TRPV4: variants seen among roughly 807,000 people sequenced by gnomAD.
TRPV4 encodes OSM9-like transient receptor potential channel 4.
TRPV4 carries 58 observed loss-of-function variants against 84.1 expected under a neutral mutation model. The observed-to-expected ratio is 0.69, with a 90% CI of 0.56 to 0.86. The LOEUF is 0.86. TRPV4 is among the 40% of genes least tolerant of loss of function. The pLI, the probability that TRPV4 is intolerant of heterozygous loss-of-function variation, is 0.00. For missense variants in TRPV4, 879 were observed against 1,181.1 expected (o/e 0.74, Z 3.75); for synonymous variants, 489 against 500.9 (o/e 0.98, Z 0.32).
rs1284564750 is a variant in TRPV4, at chr12:109,803,131, C to T, written c.572G>A (p.Gly191Glu). 1.2e-6 allele frequency: 2 copies of T among 1,613,946 alleles called. No individual in the cohort carries two copies. The highest frequency in any genetic ancestry group is 1.7e-5 in the Admixed American group (1 of 60,006). The change falls in exon 4 of 16, where the codon GGG becomes GAG. Residue 191 changes from glycine (G) to glutamate (E), a missense_variant. This residue lies in a region of TRPV4 where 521 missense variants were observed against 686.6 expected (regional missense o/e 0.76). Coordinates refer to ENST00000261740, the MANE Select transcript of TRPV4 (RefSeq NM_021625.5). Reference sequence around the variant, plus strand: ...CAAGGCCTTGGGCAGGCAGGTCTTCCCCGTAGATGGCTCTAGCAAGAGAGA... The same window carrying T: ...CAAGGCCTTGGGCAGGCAGGTCTTCTCCGTAGATGGCTCTAGCAAGAGAGA... Reference protein sequence around the residue: ...TDEEFREPSTGKTCLPKALLN... With the variant: ...TDEEFREPSTEKTCLPKALLN...
chr12:109,819,528 C>A (rs1167304877), intron 1 of TRPV4, among the ~76,000 whole-genome samples: 1 of 152,248 alleles, frequency 6.6e-6, no homozygotes, highest in Non-Finnish European at 1.5e-5. Context: ...CATCCTCACA[C>A]ACTGACATCT....
chr12:109,783,573 C>G lies in TRPV4; in HGVS notation c.*48G>C. On this transcript the variant is annotated 3_prime_UTR_variant, in exon 16 of 16. Transcript: ENST00000261740. The surrounding 1 kb of genome is among the most constrained non-coding windows in gnomAD (Gnocchi z 4.6). Reference sequence around the variant, plus strand: ...CCCAGAAGGCACTGCTGAAATGCGGCTGGACTAGAAATGAGTGGGCAGAGA... The same window carrying G: ...CCCAGAAGGCACTGCTGAAATGCGGGTGGACTAGAAATGAGTGGGCAGAGA... The G allele has an allele frequency of 6.3e-7, 1 of 1,593,716 alleles. No homozygotes were observed. Among genetic ancestry groups the G allele is most frequent in the South Asian group, 1.1e-5 (1 of 87,898 alleles).
chr12:109,810,647 G>A (rs532609247), intron 2 of TRPV4, among the ~76,000 whole-genome samples: 4 of 152,208 alleles, frequency 2.6e-5, no homozygotes, highest in Non-Finnish European at 5.9e-5. Flanking sequence ...CAGGGGCACA[G>A]GCACAGATAC....
In TRPV4 at chr12:109,783,523, G is replaced by T. The variant is rs1565856350; in HGVS notation, c.*98C>A. The T allele has an allele frequency of 1.3e-6, 2 of 1,498,138 alleles. No individual in the cohort carries two copies. Among genetic ancestry groups the T allele is most frequent in the Non-Finnish European group, 1.8e-6 (2 of 1,111,138 alleles). The allele number at this position is 1,498,138 out of a possible 1,614,324, so 92.8% of individuals were successfully genotyped here. A position where few individuals can be genotyped will look rare whatever the true frequency, so the allele number is the denominator to read the frequency against. ...CCTCCACTGGTCCCTCGCCTCTGGGGCCAAAGCAGGGTGTGGGGGGACACC... is the reference window on the plus strand; with the variant it reads ...CCTCCACTGGTCCCTCGCCTCTGGGTCCAAAGCAGGGTGTGGGGGGACACC... On this transcript the variant is annotated 3_prime_UTR_variant, in exon 16 of 16. Coordinates refer to ENST00000261740, the MANE Select transcript of TRPV4 (RefSeq NM_021625.5). The surrounding 1 kb of genome is among the most constrained non-coding windows in gnomAD (Gnocchi z 4.6).
rs974759518 is a variant in TRPV4, at chr12:109,796,059, G to GA, written c.1332+465dup. On this transcript the variant is annotated intron_variant, in intron 7 of 15. Transcript: ENST00000261740. The surrounding 1 kb of genome is among the most constrained non-coding windows in gnomAD (Gnocchi z 4.2). ...CAGGCATAAGCCACCATGCCTGACC[G>GA]AAAAAAAAGAGCTTTCAAAAGTTCA... Among the ~76,000 whole-genome samples the GA allele has an allele frequency of 6.0e-5, 9 of 151,018 alleles. No individual in the cohort carries two copies. Among genetic ancestry groups the GA allele is most frequent in the Non-Finnish European group, 8.9e-5 (6 of 67,720 alleles).
At chr12:109,812,627 G>A (rs1179811842) in intron 2 of TRPV4, among the ~76,000 whole-genome samples, 1 of 152,190 alleles carries the variant, frequency 6.6e-6, no homozygotes, top group South Asian at 2.1e-4. Flanking sequence ...GAATGAATTG[G>A]TGGTTAGAAG....
chr12:109,805,976 C>T (rs539205538), intron 3 of TRPV4, among the ~76,000 whole-genome samples: 41 of 152,306 alleles, frequency 2.7e-4, no homozygotes, highest in Admixed American at 2.4e-3. Context: ...CCCAAGATTC[C>T]GCACTTTTGC....
In TRPV4 at chr12:109,788,415, G is replaced by A. The variant is rs767397092; in HGVS notation, c.2193C>T (p.His731=). 6.8e-6 allele frequency: 11 copies of A among 1,614,000 alleles called. No individual in the cohort carries two copies. The Admixed American group carries it at 1.5e-4, about 22-fold the overall frequency. The change falls in exon 13 of 16, where the codon CAC becomes CAT. Residue 731 remains histidine (H), a synonymous_variant. Coordinates refer to ENST00000261740, the MANE Select transcript of TRPV4 (RefSeq NM_021625.5). ...TVGQVSKESK[H]IWKLQWATTI... ...GGGGCCTCACCTGCAGCTTCCAGATGTGCTTGCTCTCCTTGGAGACCTGGC... is the reference window on the plus strand; with the variant it reads ...GGGGCCTCACCTGCAGCTTCCAGATATGCTTGCTCTCCTTGGAGACCTGGC...
At chr12:109,828,891 G>A (rs1892339117) in intron 1 of TRPV4, among the ~76,000 whole-genome samples, 1 of 152,184 alleles carries the variant, frequency 6.6e-6, no homozygotes, top group Non-Finnish European at 1.5e-5. Flanking sequence ...TGGGGAAGCT[G>A]TGACACCATC....
At chr12:109,830,050 G>A (rs11068480) in intron 1 of TRPV4, among the ~76,000 whole-genome samples, 64,798 of 152,086 alleles carry the variant, frequency 0.43, 13,996 homozygotes, top group South Asian at 0.56. Flanking sequence ...TCACGGGCTC[G>A]ACCGATCCAC....
chr12:109,791,423 C>T (rs1277703735), intron 12 of TRPV4, among the ~76,000 whole-genome samples: 2 of 150,420 alleles, frequency 1.3e-5, no homozygotes, highest in Non-Finnish European at 2.9e-5. Flanking sequence ...TTAAGCCCCA[C>T]TTTAGGTGGC....
At chr12:109,825,559 C>T (rs1892229602) in intron 1 of TRPV4, among the ~76,000 whole-genome samples, 1 of 152,100 alleles carries the variant, frequency 6.6e-6, no homozygotes, top group Non-Finnish European at 1.5e-5. Flanking sequence ...CCCAGACTTC[C>T]CGGCTCCAAA....
At chr12:109,788,322 G>C in intron 13 of TRPV4, 78 bp downstream of exon 13, 1 of 1,433,510 alleles carries the variant, frequency 7.0e-7, no homozygotes, top group Non-Finnish European at 9.6e-7. Context: ...GTGGAAGGCC[G>C]AGGAAGCCAG....
intron 5 of TRPV4, among the ~76,000 whole-genome samples, chr12:109,799,511 G>A (rs891198021): frequency 6.6e-6 from 1 of 152,172 alleles, no homozygotes; most frequent in Admixed American, 6.5e-5. Flanking sequence ...CTTTAAGCAG[G>A]GGCAAAATTC....
rs1891165731 is a variant in TRPV4, at chr12:109,806,816, ACAC to A, written c.559+1477_559+1479del. On this transcript the variant is annotated intron_variant, in intron 3 of 15. Coordinates refer to ENST00000261740, the MANE Select transcript of TRPV4 (RefSeq NM_021625.5). The stretch of plus-strand genomic sequence containing the variant: ...TTCAAGGCTGCAGGGAGCTGTGATC[ACAC>A]CACAGCATTCCAGCCTGGGTGACAG... Among the ~76,000 whole-genome samples the A allele has an allele frequency of 7.4e-5, 11 of 149,280 alleles. No individual in the cohort carries two copies. In the South Asian group the frequency reaches 2.2e-3, roughly 29 times the overall value.
intron 2 of TRPV4, among the ~76,000 whole-genome samples, chr12:109,810,412 T>C (rs563796619): frequency 1.2e-4 from 18 of 151,724 alleles, no homozygotes; most frequent in Non-Finnish European, 1.8e-4. Flanking sequence ...GGGAATGCAG[T>C]TGGGGAAACT....
In TRPV4 at chr12:109,814,862, C is replaced by T. The variant is rs1891769677; in HGVS notation, c.-31-35G>A. The T allele has an allele frequency of 2.6e-6, 4 of 1,527,732 alleles. No homozygotes were observed. The highest frequency in any genetic ancestry group is 1.4e-5 in the African/African-American group (1 of 72,966). 94.6% of individuals were successfully genotyped at this position (1,527,732 alleles called of 1,614,324 possible). ...AATGAAAGGGGAGTCAGGCAGAACC[C>T]GGCCAGGGGCGGGGGCTCCAGGAAG... On this transcript the variant is annotated intron_variant, in intron 1 of 15. Transcript: ENST00000261740. The surrounding 1 kb of genome is among the most constrained non-coding windows in gnomAD (Gnocchi z 5.4).
Position 109,827,440 on chromosome 12 carries a change from C to T in TRPV4, c.-32+5910G>A, listed in dbSNP as rs77085239. 2.9e-3 allele frequency among the ~76,000 whole-genome samples: 446 copies of T among 152,134 alleles called. 3 individuals carry two copies. Among genetic ancestry groups the T allele is most frequent in the African/African-American group, 1.0e-2 (414 of 41,490 alleles). On this transcript the variant is annotated intron_variant, in intron 1 of 15. Transcript: ENST00000261740. Reference sequence around the variant, plus strand: ...GGTATTCCTGAGCCCCTCCTGTGTGCCAAGCAGGGACAGGAGTGAGCCAGA... The same window carrying T: ...GGTATTCCTGAGCCCCTCCTGTGTGTCAAGCAGGGACAGGAGTGAGCCAGA...
intron 12 of TRPV4, among the ~76,000 whole-genome samples, chr12:109,791,755 A>G (rs1046475687): frequency 2.0e-5 from 3 of 151,378 alleles, no homozygotes; most frequent in African/African-American, 7.3e-5. Context: ...AAGTGCTGGG[A>G]TTACAGATGT....
Sources: allele counts gnomAD v4.1 joint callset (sites outside exome capture counted in the v4.1 genomes callset), GRCh38; gene constraint gnomAD v4.1.1; regional missense constraint gnomAD v4.1.1; non-coding constraint Gnocchi (gnomAD v3.1); transcripts MANE v1.5; gene names NCBI Gene and HGNC (gene_info 2026-07-23, HGNC 2026-07-21).